The following NBEAL1 variants were observed in gnomAD, a reference collection of about 807,000 sequenced individuals.
NBEAL1 encodes neurobeachin like 1.
NBEAL1 carries 273 observed loss-of-function variants against 351.3 expected under a neutral mutation model. The observed-to-expected ratio is 0.78, with a 90% CI of 0.70 to 0.86. The LOEUF (loss-of-function observed/expected upper bound fraction) is 0.86, where lower values mean the gene tolerates loss of function less well. Among genes scored for constraint, NBEAL1 ranks in the 40% least tolerant of loss-of-function variants. NBEAL1 has a pLI of 0.00. For missense variants in NBEAL1, 2,961 were observed against 3,201.3 expected, an observed-to-expected ratio of 0.92 and a Z score of 1.81; for synonymous variants, 1,050 against 1,086.4, an observed-to-expected ratio of 0.97 and a Z score of 0.66.
At chr2:203,185,346 T>G (rs996797168) in intron 44 of NBEAL1, among the ~76,000 whole-genome samples, 3 of 152,188 alleles carry the variant, frequency 2.0e-5, no homozygotes, top group Admixed American at 2.0e-4. Context: ...TATTACTGAG[T>G]AACAAACTGT....
chr2:203,109,558 C>T (rs1368242183), intron 14 of NBEAL1, among the ~76,000 whole-genome samples: 4 of 151,784 alleles, frequency 2.6e-5, no homozygotes, highest in Non-Finnish European at 2.9e-5. Context: ...TTGCTCTTGT[C>T]GCCCAGGCTG....
In NBEAL1 at chr2:203,201,722, A is replaced by G. The variant is rs747692377; in HGVS notation, c.7411+7A>G. 31 of 1,556,474 alleles carry G rather than the reference A, an allele frequency of 2.0e-5. No homozygotes were observed. The highest frequency in any genetic ancestry group is 2.5e-5 in the Non-Finnish European group (29 of 1,150,306). On this transcript the variant is annotated splice_region_variant and intron_variant, in intron 50 of 55. Transcript: ENST00000683969. ...CACATCATCCGGCATATGGGTAAGC[A>G]TTAGCTTTTTTTCCAAAAATGCTCA... is the stretch of plus-strand genomic sequence containing the variant.
chr2:203,080,783 G>C lies in NBEAL1; in HGVS notation c.685-2436G>C, dbSNP rs566025033. Among the ~76,000 whole-genome samples, 34 of 152,176 alleles carry C rather than the reference G, an allele frequency of 2.2e-4. No homozygotes were observed. The South Asian group carries it at 6.4e-3, about 29-fold the overall frequency. On this transcript the variant is annotated intron_variant, in intron 8 of 55. Coordinates refer to ENST00000683969, the MANE Select transcript of NBEAL1 (RefSeq NM_001378026.1). ...TTTCAGTGTAAGTTTGCTTAATCAC[G>C]TTCCAGTATTAGCTGATTTCCTTCT...
chr2:203,167,160 G>A (rs2064158208), intron 37 of NBEAL1, 67 bp from the exon 38 acceptor site: 3 of 1,429,648 alleles, frequency 2.1e-6, no homozygotes, highest in Non-Finnish European at 1.9e-6. Context: ...AGAACTAAGA[G>A]GTATTTTCTA....
chr2:203,184,978 G>A (rs1024201259), intron 44 of NBEAL1, among the ~76,000 whole-genome samples: 3 of 152,100 alleles, frequency 2.0e-5, no homozygotes, highest in African/African-American at 4.8e-5. Context: ...AACCATTAGG[G>A]ACCAGAGATG....
intron 51 of NBEAL1, among the ~76,000 whole-genome samples, chr2:203,207,220 T>C (rs1816454): frequency 0.88 from 132,345 of 150,040 alleles, 59,452 homozygotes; most frequent in Non-Finnish European, 0.96. Context: ...CCCCTCCGCC[T>C]GGCAGCCACC....
At chr2:203,166,631 C>T (rs1007735645) in intron 37 of NBEAL1, among the ~76,000 whole-genome samples, 2 of 152,144 alleles carry the variant, frequency 1.3e-5, no homozygotes, top group South Asian at 2.1e-4. Context: ...ACTGAGACCT[C>T]TGCCTCCCGG....
In NBEAL1 at chr2:203,126,066, T is replaced by G. The variant is rs72934556; in HGVS notation, c.2958T>G (p.Val986=). 165,911 of 1,543,164 alleles carry G rather than the reference T, an allele frequency of 0.11. 10,263 individuals are homozygous for G. The highest frequency in any genetic ancestry group is 0.12 in the Non-Finnish European group (142,126 of 1,143,186). The change falls in exon 21 of 56, where the codon GTT becomes GTG. Residue 986 remains valine, a synonymous_variant. Transcript: ENST00000683969. ...GCAATCTTATTCACTCCCATGGAGT[T>G]GCAACTCTTGGTGCTTTACTTCAGA... ...NQGNLIHSHG[V]ATLGALLQKV...
At chr2:203,015,381 G>A (rs1388206450) in intron 1 of NBEAL1, among the ~76,000 whole-genome samples, 1 of 152,114 alleles carries the variant, frequency 6.6e-6, no homozygotes, top group African/African-American at 2.4e-5. Context: ...ACTCTCCGAG[G>A]ATTGTTAGAA....
At chr2:203,024,471 G>C (rs1184150423) in intron 2 of NBEAL1, among the ~76,000 whole-genome samples, 1 of 150,934 alleles carries the variant, frequency 6.6e-6, no homozygotes, top group African/African-American at 2.4e-5. Flanking sequence ...AGAATCACTT[G>C]AATCCAAGAG....
chr2:203,023,050 G>T (rs1311274957), intron 2 of NBEAL1, among the ~76,000 whole-genome samples: 1 of 152,142 alleles, frequency 6.6e-6, no homozygotes, highest in African/African-American at 2.4e-5. Flanking sequence ...GAATTTAGAG[G>T]TGTTTTATTC....
At position 203,126,984 on chromosome 2, in the gene NBEAL1, T is replaced by G; in HGVS notation, c.3248+58T>G. 5 of 1,204,070 alleles carry G rather than the reference T, an allele frequency of 4.2e-6. No individual in the cohort carries two copies. In the South Asian group the frequency reaches 6.7e-5, roughly 16 times the overall value. The allele number at this position is 1,204,070 out of a possible 1,614,324, so 74.6% of individuals were successfully genotyped here. A position where few individuals can be genotyped will look rare whatever the true frequency, so the allele number is the denominator to read the frequency against. ...TATTATTTTCTGTCTGCTACTTGAT[T>G]GGAATGTGTAGACTGTAGACTTTCT... On this transcript the variant is annotated intron_variant, in intron 23 of 55. Transcript: ENST00000683969.
chr2:203,027,873 G>A (rs1485271773), intron 2 of NBEAL1, among the ~76,000 whole-genome samples: 1 of 151,644 alleles, frequency 6.6e-6, no homozygotes, highest in Non-Finnish European at 1.5e-5. Flanking sequence ...CACCACACCT[G>A]GCTATTTTCT....
intron 53 of NBEAL1, 66 bp downstream of exon 53, chr2:203,209,388 G>C: frequency 8.4e-7 from 1 of 1,189,964 alleles, no homozygotes; most frequent in South Asian, 1.6e-5. Flanking sequence ...CCACATTATA[G>C]ATGAGGTTTA....
intron 35 of NBEAL1, among the ~76,000 whole-genome samples, chr2:203,154,621 A>C (rs1389184430): frequency 6.6e-6 from 1 of 152,134 alleles, no homozygotes; most frequent in Non-Finnish European, 1.5e-5. Context: ...TGGATGGAAA[A>C]TCCATTATTA....
In NBEAL1 at chr2:203,030,112, C is replaced by T. The variant is rs953874441; in HGVS notation, c.52-11653C>T. ...GTTCCAGGCAAGTGTAAGGCATGACCGAACAAAGGAAGAGTGGTCCTTAAG... is the reference window on the plus strand; with the variant it reads ...GTTCCAGGCAAGTGTAAGGCATGACTGAACAAAGGAAGAGTGGTCCTTAAG... On this transcript the variant is annotated intron_variant, in intron 2 of 55. Transcript: ENST00000683969. Among the ~76,000 whole-genome samples the T allele has an allele frequency of 9.2e-5, 14 of 152,056 alleles. No homozygotes were observed. In the East Asian group the frequency reaches 2.1e-3, roughly 23 times the overall value.
At chr2:203,217,222 A>G in intron 55 of NBEAL1, 31 bp from the exon 56 acceptor site, 1 of 1,449,356 alleles carries the variant, frequency 6.9e-7, no homozygotes, top group Non-Finnish European at 9.2e-7. Context: ...CTTAATATTT[A>G]TTCTTCATTT....
chr2:203,161,395 C>G (rs1199992390), intron 36 of NBEAL1, among the ~76,000 whole-genome samples: 1 of 150,936 alleles, frequency 6.6e-6, no homozygotes, highest in African/African-American at 2.4e-5. Context: ...GTTTGGGAGG[C>G]CCAGGCAGGT....
At chr2:203,118,659 T>G (rs1326326733) in intron 18 of NBEAL1, among the ~76,000 whole-genome samples, 1 of 151,734 alleles carries the variant, frequency 6.6e-6, no homozygotes, top group African/African-American at 2.4e-5. Context: ...TGGCGCAATC[T>G]TGGCTCACTG....
Sources: allele counts gnomAD v4.1 joint callset (sites outside exome capture counted in the v4.1 genomes callset), GRCh38; gene constraint gnomAD v4.1.1; transcripts MANE v1.5; gene names NCBI Gene and HGNC (gene_info 2026-07-23, HGNC 2026-07-21).